Variants in RAB40C observed in about 807,000 individuals in gnomAD.
The protein encoded by RAB40C is RAB40C, member RAS oncogene family, also known as ras-related protein Rab-40C.
In RAB40C, 8 loss-of-function variants were observed where a neutral mutation model predicts 28.1. The observed-to-expected ratio is 0.28, with a 90% CI of 0.17 to 0.51. RAB40C has a LOEUF of 0.51. RAB40C is among the 20% of genes least tolerant of loss of function. The probability of loss-of-function intolerance (pLI) is 0.97; values close to 1 mark genes in which losing one functional copy is unlikely to be tolerated. For synonymous variants in RAB40C, 201 were observed against 171.7 expected (o/e 1.17, Z -1.34); for missense variants, 288 against 405.9 (o/e 0.71, Z 2.50).
At chr16:604,992 A>G (rs1490459443) in intron 1 of RAB40C, among the ~76,000 whole-genome samples, 1 of 152,138 alleles carries the variant, frequency 6.6e-6, no homozygotes, top group Non-Finnish European at 1.5e-5. Flanking sequence ...CGGGAGGCGG[A>G]GGTTGGAGTG....
At chr16:596,191 C>T (rs191259402) in intron 1 of RAB40C, 17 of 417,866 alleles carry the variant, frequency 4.1e-5, no homozygotes, top group Admixed American at 1.0e-4. Context: ...GTGGCCTGCA[C>T]GATGAGCTAA....
At chr16:622,778 G>A (rs990207934) in intron 3 of RAB40C, among the ~76,000 whole-genome samples, 2 of 152,168 alleles carry the variant, frequency 1.3e-5, no homozygotes, top group South Asian at 2.1e-4. Context: ...TGCTGGGATC[G>A]CAGGCGTGAG....
rs1216657092 is a variant in RAB40C, at chr16:610,506, C to A, written c.143-6702C>A. 6.6e-6 allele frequency among the ~76,000 whole-genome samples: 1 copy of A among 152,152 alleles called. No homozygotes were observed. Among genetic ancestry groups the A allele is most frequent in the African/African-American group, 2.4e-5 (1 of 41,422 alleles). The stretch of plus-strand genomic sequence containing the variant: ...CTTCACTGGCGCCCTTGCCTTTTCA[C>A]TGAGCCGGGTATTAGCTTAGCTTAT... On this transcript the variant is annotated intron_variant, in intron 1 of 5. Coordinates refer to ENST00000248139, the MANE Select transcript of RAB40C (RefSeq NM_021168.5). The surrounding 1 kb of genome is among the most constrained non-coding windows in gnomAD (Gnocchi z 4.6).
chr16:609,820 G>A (rs2036444391), intron 1 of RAB40C, among the ~76,000 whole-genome samples: 1 of 152,218 alleles, frequency 6.6e-6, no homozygotes. Context: ...CCCTGCAGAG[G>A]TCACCCTGGC....
At chr16:597,393 T>A (rs913177284) in intron 1 of RAB40C, among the ~76,000 whole-genome samples, 3 of 151,972 alleles carry the variant, frequency 2.0e-5, no homozygotes, top group African/African-American at 7.3e-5. Context: ...GAATCCTGGA[T>A]GGGTGATGTG....
chr16:620,966 A>G (rs1163136616), intron 3 of RAB40C, among the ~76,000 whole-genome samples: 1 of 152,226 alleles, frequency 6.6e-6, no homozygotes, highest in Non-Finnish European at 1.5e-5. Flanking sequence ...TAAGCTCTGC[A>G]TTTGCCAGGC....
chr16:626,212 G>A (rs2036828720), intron 5 of RAB40C, 91 bp downstream of exon 5: 5 of 1,350,616 alleles, frequency 3.7e-6, no homozygotes, highest in Non-Finnish European at 5.2e-6. Context: ...GGCCAGTGAG[G>A]GAGGTTCAGG....
intron 1 of RAB40C, among the ~76,000 whole-genome samples, chr16:609,786 G>A (rs1212374680): frequency 3.9e-5 from 6 of 152,170 alleles, no homozygotes; most frequent in Non-Finnish European, 4.4e-5. Flanking sequence ...AGAACAAAAA[G>A]AGATTAAAAA....
At chr16:618,752 C>G (rs58972886) in intron 3 of RAB40C, among the ~76,000 whole-genome samples, 30 of 131,108 alleles carry the variant, frequency 2.3e-4, no homozygotes, top group South Asian at 5.0e-4. Context: ...GTCTGGCGGA[C>G]GCACTGGGGC....
chr16:625,682 G>T (rs1300309470), intron 4 of RAB40C, 173 bp downstream of exon 4: 1 of 842,250 alleles, frequency 1.2e-6, no homozygotes, highest in Non-Finnish European at 1.9e-6. Flanking sequence ...CACGACAGTC[G>T]GGCGTGGAGC....
At chr16:626,316 G>C (rs2036831380) in intron 5 of RAB40C, among the ~76,000 whole-genome samples, 195 bp downstream of exon 5, 1 of 152,182 alleles carries the variant, frequency 6.6e-6, no homozygotes, top group Admixed American at 6.5e-5. Flanking sequence ...AGCACTGGGG[G>C]GCACAGGAGC....
intron 3 of RAB40C, chr16:625,091 T>C (rs1430444063): frequency 1.5e-6 from 2 of 1,309,074 alleles, no homozygotes; most frequent in Non-Finnish European, 2.0e-6. Flanking sequence ...GAGAGGACAC[T>C]TAGCTTCCAC....
intron 1 of RAB40C, among the ~76,000 whole-genome samples, chr16:615,323 A>G (rs11643412): frequency 0.17 from 26,115 of 152,190 alleles, 2,480 homozygotes; most frequent in South Asian, 0.26. Flanking sequence ...GAGAGACCGC[A>G]TGGCTGGCTT....
intron 1 of RAB40C, chr16:596,362 C>T (rs554139778): frequency 9.4e-5 from 43 of 455,986 alleles, no homozygotes; most frequent in East Asian, 9.0e-4. Context: ...GAAAAGCTGC[C>T]GCCTACCCTG....
rs369584664 is a variant in RAB40C, at chr16:620,816, G to A, written c.264+2556G>A. On this transcript the variant is annotated intron_variant, in intron 3 of 5. Transcript: ENST00000248139. The stretch of plus-strand genomic sequence containing the variant: ...GCCCCCCGCCGACGGGCTCCACCGC[G>A]GGCATCCCAGCCACCCCCCCCGACG... Among the ~76,000 whole-genome samples, 18 of 140,294 alleles carry A rather than the reference G, an allele frequency of 1.3e-4. No individual in the cohort carries two copies. The East Asian group carries it at 3.4e-3, about 26-fold the overall frequency. The allele number at this position is 140,294 out of a possible 152,430, so 92.0% of individuals were successfully genotyped here.
chr16:617,171 G>C, intron 1 of RAB40C, 37 bp from the exon 2 acceptor site: 1 of 1,609,896 alleles, frequency 6.2e-7, no homozygotes, highest in Non-Finnish European at 8.5e-7. Context: ...CGCTCCAGGA[G>C]TGGCGCGTCC....
At chr16:593,359 G>A (rs1363704353) in intron 1 of RAB40C, among the ~76,000 whole-genome samples, 1 of 152,258 alleles carries the variant, frequency 6.6e-6, no homozygotes, top group Non-Finnish European at 1.5e-5. Flanking sequence ...GGAGCTTTAG[G>A]CCTCTGGCCC....
At chr16:625,283 C>T in intron 3 of RAB40C, 149 bp from the exon 4 acceptor site, 1 of 1,460,192 alleles carries the variant, frequency 6.8e-7, no homozygotes, top group South Asian at 1.3e-5. Context: ...CCAGCTCTGC[C>T]TGGAGGGCAT....
At chr16:624,603 T>C in intron 3 of RAB40C, 1 of 985,392 alleles carries the variant, frequency 1.0e-6, no homozygotes, top group Non-Finnish European at 1.2e-6. Context: ...GCCCTCTTCT[T>C]TCAGCCTCAG....
Sources: allele counts gnomAD v4.1 joint callset (sites outside exome capture counted in the v4.1 genomes callset), GRCh38; gene constraint gnomAD v4.1.1; non-coding constraint Gnocchi (gnomAD v3.1); transcripts MANE v1.5; gene names NCBI Gene and HGNC (gene_info 2026-07-23, HGNC 2026-07-21).